Variants in TMEM185A observed in about 807,000 individuals in gnomAD.
The protein encoded by TMEM185A is family with sequence similarity 11, member A.
Under a neutral mutation model 25.0 loss-of-function variants are expected in TMEM185A, and 9 were observed. The observed-to-expected ratio is 0.36, with a 90% CI of 0.22 to 0.63. The LOEUF (loss-of-function observed/expected upper bound fraction) is 0.63, where lower values mean the gene tolerates loss of function less well. TMEM185A is among the 20% of genes least tolerant of loss of function. The pLI is 0.68. For synonymous variants in TMEM185A, 45 were observed against 93.5 expected, an observed-to-expected ratio of 0.48 and a Z score of 2.99; for missense variants, 103 against 237.4, an observed-to-expected ratio of 0.43 and a Z score of 3.72.
At position 149,620,496 on chromosome X, in the gene TMEM185A, AT is replaced by A. The variant is rs369553435; in HGVS notation, c.39-9034del. On this transcript the variant is annotated intron_variant, in intron 1 of 6. Coordinates refer to ENST00000600449, the MANE Select transcript of TMEM185A (RefSeq NM_032508.4). ...AAGGACATTCGTAAGTGAAGCTGGC[AT>A]TTTTTTTTTAACTGCAAGTCCAGCA... Among the ~76,000 whole-genome samples, 578 of 108,640 alleles carry A rather than the reference AT, an allele frequency of 5.3e-3. 2 individuals are homozygous for A. Among genetic ancestry groups the A allele is most frequent in the African/African-American group, 0.014 (432 of 29,936 alleles). The allele number at this position is 108,640 out of a possible 115,157, so 94.3% of individuals were successfully genotyped here.
rs1455497306 is a variant in TMEM185A, at chrX:149,631,729, TCGCCGTCGCCGCCGCCGCCGC to T, written c.-170_-150del. The T allele has an allele frequency of 3.4e-4, 147 of 438,587 alleles. 4 individuals are homozygous for T. The highest frequency in any genetic ancestry group is 4.9e-4 in the African/African-American group (14 of 28,564). The allele number at this position is 438,587 out of a possible 1,213,427, so 36.1% of individuals were successfully genotyped here. ...GCTGCCGTCCCCGCTGCCGTCGCCG[TCGCCGTCGCCGCCGCCGCCGC>T]CGCCGCCGCCGCCGCCGCCGCCGCC... On this transcript the variant is annotated 5_prime_UTR_variant, in exon 1 of 7. Coordinates refer to ENST00000600449, the MANE Select transcript of TMEM185A (RefSeq NM_032508.4).
At position 149,631,735 on chromosome X, in the gene TMEM185A, T is replaced by TCGCCGC; in HGVS notation, c.-161_-156dup. On this transcript the variant is annotated 5_prime_UTR_variant, in exon 1 of 7. Coordinates refer to ENST00000600449, the MANE Select transcript of TMEM185A (RefSeq NM_032508.4). ...GTCCCCGCTGCCGTCGCCGTCGCCG[T>TCGCCGC]CGCCGCCGCCGCCGCCGCCGCCGCC... 4.2e-3 allele frequency: 1,400 copies of TCGCCGC among 335,524 alleles called. 28 individuals carry two copies. The highest frequency in any genetic ancestry group is 0.016 in the East Asian group (217 of 13,612). 27.7% of individuals were successfully genotyped at this position (335,524 alleles called of 1,213,427 possible).
chrX:149,619,264 C>T (rs2124227635), intron 1 of TMEM185A, among the ~76,000 whole-genome samples: 1 of 111,981 alleles, frequency 8.9e-6, no homozygotes, highest in Non-Finnish European at 1.9e-5. Flanking sequence ...AAAAAAATCA[C>T]ATTACTTACT....
chrX:149,627,244 A>G (rs929955556), intron 1 of TMEM185A, among the ~76,000 whole-genome samples: 10 of 112,450 alleles, frequency 8.9e-5, no homozygotes, highest in African/African-American at 2.9e-4. Context: ...GTTAATCGAG[A>G]ATGGAGAATG....
intron 1 of TMEM185A, among the ~76,000 whole-genome samples, chrX:149,626,425 C>T (rs1158312497): frequency 1.8e-5 from 2 of 112,633 alleles, no homozygotes; most frequent in Non-Finnish European, 3.8e-5. Context: ...ATATCATCTG[C>T]AGTGCTCATA....
intron 1 of TMEM185A, among the ~76,000 whole-genome samples, chrX:149,616,835 T>C (rs1369025062): frequency 1.8e-5 from 2 of 112,613 alleles, no homozygotes; most frequent in Non-Finnish European, 3.8e-5. Context: ...GGCAAAACAA[T>C]TCTGAAAAAG....
chrX:149,608,481 C>A, intron 3 of TMEM185A, 146 bp downstream of exon 3: 1 of 520,526 alleles, frequency 1.9e-6, no homozygotes. Flanking sequence ...CTGGCGCATG[C>A]CACCACACCC....
chrX:149,612,431 T>G, intron 1 of TMEM185A, among the ~76,000 whole-genome samples: 1 of 112,206 alleles, frequency 8.9e-6, no homozygotes, highest in Non-Finnish European at 1.9e-5. Context: ...GACAACTATA[T>G]GCTGTCTGTA....
At chrX:149,604,414 C>T (rs1483302748) in intron 3 of TMEM185A, among the ~76,000 whole-genome samples, 1 of 111,978 alleles carries the variant, frequency 8.9e-6, no homozygotes, top group African/African-American at 3.3e-5. Flanking sequence ...ATACTGTCTA[C>T]TCGAAACCAT....
intron 1 of TMEM185A, among the ~76,000 whole-genome samples, chrX:149,626,831 C>T (rs1437210230): frequency 1.8e-5 from 2 of 112,226 alleles, no homozygotes; most frequent in African/African-American, 6.5e-5. Context: ...TGGATGTGCA[C>T]GCAGGCTAGA....
intron 1 of TMEM185A, among the ~76,000 whole-genome samples, chrX:149,616,849 A>T (rs973137873): frequency 8.9e-6 from 1 of 112,842 alleles, no homozygotes; most frequent in Non-Finnish European, 1.9e-5. Context: ...GAAAAAGAAC[A>T]AAGTTGGACA....
At chrX:149,617,865 GACA>G (rs782146864) in intron 1 of TMEM185A, among the ~76,000 whole-genome samples, 4 of 111,808 alleles carry the variant, frequency 3.6e-5, no homozygotes, top group African/African-American at 6.5e-5. Flanking sequence ...AACTATGGAT[GACA>G]ACAACAACAT....
At chrX:149,613,942 A>T (rs1557354777) in intron 1 of TMEM185A, among the ~76,000 whole-genome samples, 1 of 112,503 alleles carries the variant, frequency 8.9e-6, no homozygotes. Context: ...GAAAGTACTG[A>T]TCAATCTAAA....
chrX:149,629,981 G>C (rs370091341), intron 1 of TMEM185A, among the ~76,000 whole-genome samples: 2 of 111,626 alleles, frequency 1.8e-5, no homozygotes, highest in Non-Finnish European at 3.8e-5. Flanking sequence ...AGTTGCCCAA[G>C]GGCACAAAAC....
rs781887042 is a variant in TMEM185A at position 149,608,660 on chromosome X, G to A, written c.390C>T (p.Cys130=). Residue 130 remains cysteine (C), a synonymous_variant, in exon 3 of 7, where the codon TGC becomes TGT. Coordinates refer to ENST00000600449, the MANE Select transcript of TMEM185A (RefSeq NM_032508.4). ...FFVSPVSVAA[C]VWGFRHDRSL... is the part of the protein sequence containing the mutation. Reference sequence around the variant, plus strand: ...ACCTGTCATGTCGAAAGCCCCAAACGCAAGCTGCAACAGACACCGGGGAAA... The same window carrying A: ...ACCTGTCATGTCGAAAGCCCCAAACACAAGCTGCAACAGACACCGGGGAAA... 98 of 1,209,742 alleles carry A rather than the reference G, an allele frequency of 8.1e-5. No homozygotes were observed. The highest frequency in any genetic ancestry group is 1.1e-4 in the Non-Finnish European group (95 of 895,186).
At chrX:149,612,798 T>G (rs2090090768) in intron 1 of TMEM185A, among the ~76,000 whole-genome samples, 1 of 111,986 alleles carries the variant, frequency 8.9e-6, no homozygotes, top group Non-Finnish European at 1.9e-5. Context: ...TTCTTGTGGT[T>G]GTAGGACTGA....
chrX:149,602,158 T>C (rs1309184900), intron 4 of TMEM185A: 1 of 107,093 alleles, frequency 9.3e-6, no homozygotes, highest in African/African-American at 3.4e-5. Flanking sequence ...TCTCTGTATG[T>C]TCTGGGTGCA....
At chrX:149,629,145 G>A (rs1178338990) in intron 1 of TMEM185A, among the ~76,000 whole-genome samples, 1 of 111,611 alleles carries the variant, frequency 9.0e-6, no homozygotes, top group African/African-American at 3.3e-5. Flanking sequence ...AGGGAAGTCA[G>A]GAATGCTTCC....
At chrX:149,617,001 A>G (rs1322102546) in intron 1 of TMEM185A, among the ~76,000 whole-genome samples, 1 of 112,505 alleles carries the variant, frequency 8.9e-6, no homozygotes, top group Non-Finnish European at 1.9e-5. Flanking sequence ...ATTTTCCACA[A>G]AGGTGCCAAA....
Sources: gnomAD v4.1 joint callset for allele counts (sites outside exome capture counted in the v4.1 genomes callset) on GRCh38, gnomAD v4.1.1 for gene constraint, MANE v1.5 for transcripts, NCBI Gene and HGNC (gene_info 2026-07-23, HGNC 2026-07-21) for gene names.